MMP16: variants seen among roughly 807,000 people sequenced by gnomAD.
MMP16 encodes matrix metallopeptidase 16.
Under a neutral mutation model 67.8 loss-of-function variants are expected in MMP16, and 12 were observed. The observed-to-expected ratio is 0.18, with a 90% CI of 0.11 to 0.29. The LOEUF (loss-of-function observed/expected upper bound fraction) is 0.29. MMP16 is among the 10% of genes least tolerant of loss of function. MMP16 has a pLI of 1.00. For missense variants in MMP16, 475 were observed against 765.7 expected (o/e 0.62, Z 4.48); for synonymous variants, 249 against 255.9 (o/e 0.97, Z 0.26).
intron 6 of MMP16, among the ~76,000 whole-genome samples, chr8:88,094,358 T>C (rs1808989758): frequency 6.6e-6 from 1 of 151,736 alleles, no homozygotes; most frequent in East Asian, 1.9e-4. Context: ...TTATTGATAG[T>C]AATTAGAAGA....
At chr8:88,119,269 C>T (rs1357542503) in intron 4 of MMP16, among the ~76,000 whole-genome samples, 5 of 151,966 alleles carry the variant, frequency 3.3e-5, no homozygotes. Flanking sequence ...CAGATACTGT[C>T]CTTACTTTTA....
intron 2 of MMP16, among the ~76,000 whole-genome samples, chr8:88,193,146 A>C (rs1809196267): frequency 6.6e-6 from 1 of 152,202 alleles, no homozygotes; most frequent in Non-Finnish European, 1.5e-5. Context: ...TAAGATATGG[A>C]ATCATCTGAA....
chr8:88,160,984 T>G (rs1034207164), intron 4 of MMP16, among the ~76,000 whole-genome samples: 6 of 152,168 alleles, frequency 3.9e-5, no homozygotes, highest in African/African-American at 1.4e-4. Context: ...TCGATGTTCA[T>G]CAGGGATATT....
In MMP16 at chr8:88,167,855, A is replaced by T; in HGVS notation, c.523T>A (p.Leu175Ile). The T allele has an allele frequency of 6.2e-7, 1 of 1,614,022 alleles. No homozygotes were observed. The stretch of plus-strand genomic sequence containing the variant: ...TCCACATCACGTTTGCCATTTTCTA[A>T]TTCACTGTAGGGAACTTCTTCAAAT... ...LTFEEVPYSE[L>I]ENGKRDVDIT... The change falls in exon 4 of 10, where the codon TTA (leucine) becomes ATA (isoleucine). Residue 175 changes from leucine to isoleucine, a missense_variant. Coordinates refer to ENST00000286614, the MANE Select transcript of MMP16 (RefSeq NM_005941.5).
rs1808130688 is a variant in MMP16, at chr8:88,041,370, T to C, written c.*91A>G. The C allele has an allele frequency of 7.4e-7, 1 of 1,357,954 alleles. No individual in the cohort carries two copies. The highest frequency in any genetic ancestry group is 1.4e-5 in the South Asian group (1 of 72,434). The allele number at this position is 1,357,954 out of a possible 1,614,324, so 84.1% of individuals were successfully genotyped here. ...CCGAATCAGGCTGCCACAAGCCTGC[T>C]CCTAGCTAGGAAACAGCATAACAGC... is the stretch of plus-strand genomic sequence containing the variant. On this transcript the variant is annotated 3_prime_UTR_variant, in exon 10 of 10. Transcript: ENST00000286614. The surrounding 1 kb of genome is among the most constrained non-coding windows in gnomAD (Gnocchi z 6.0).
chr8:88,217,378 T>C (rs565254127), intron 1 of MMP16, among the ~76,000 whole-genome samples: 87 of 152,246 alleles, frequency 5.7e-4, no homozygotes, highest in African/African-American at 2.0e-3. Context: ...TGTGCCCATT[T>C]ATATTTACTA....
intron 4 of MMP16, among the ~76,000 whole-genome samples, chr8:88,121,144 C>T (rs1439043185): frequency 6.7e-6 from 1 of 150,372 alleles, no homozygotes; most frequent in Non-Finnish European, 1.5e-5. Context: ...GACATAATAG[C>T]AAACAGGTCA....
intron 6 of MMP16, among the ~76,000 whole-genome samples, chr8:88,091,806 T>C (rs1315180047): frequency 6.6e-6 from 1 of 151,892 alleles, no homozygotes; most frequent in Non-Finnish European, 1.5e-5. Flanking sequence ...TAACTAAATC[T>C]AATTTAAAAA....
rs1808052274 is a variant in MMP16, at chr8:88,036,280, G to A, written c.*5181C>T. On this transcript the variant is annotated 3_prime_UTR_variant, in exon 10 of 10. Transcript: ENST00000286614. ...TAATCATCACTAGTGCAAAGAGCTT[G>A]AAGTTGGATTTTTTTCCTCCACTAT... The A allele has an allele frequency of 6.6e-6, 1 of 151,840 alleles. No homozygotes were observed. The highest frequency in any genetic ancestry group is 1.5e-5 in the Non-Finnish European group (1 of 67,824). The allele number at this position is 151,840 out of a possible 1,614,324, so 9.4% of individuals were successfully genotyped here. A position where few individuals can be genotyped will look rare whatever the true frequency, so the allele number is the denominator to read the frequency against.
intron 6 of MMP16, among the ~76,000 whole-genome samples, chr8:88,100,294 AC>A (rs1251608568): frequency 1.3e-5 from 2 of 151,930 alleles, no homozygotes; most frequent in African/African-American, 4.8e-5. Flanking sequence ...AAAACAAACA[AC>A]CCCATCAAAA....
chr8:88,147,990 C>T (rs1235063218), intron 4 of MMP16, among the ~76,000 whole-genome samples: 1 of 152,098 alleles, frequency 6.6e-6, no homozygotes, highest in Non-Finnish European at 1.5e-5. Context: ...TATCTCCTAA[C>T]CTTTCACATT....
rs1322545304 is a variant in MMP16, at chr8:88,308,307, C to CT, written c.132+18767dup. 3.4e-4 allele frequency among the ~76,000 whole-genome samples: 51 copies of CT among 152,060 alleles called. 1 individual carries two copies. The highest frequency in any genetic ancestry group is 2.2e-4 in the Non-Finnish European group (15 of 67,952). ...AAGGGACCTTTTGTTAATTATGAGG[C>CT]TAAGACGTAGGAGGCATCACATGTG... is the stretch of plus-strand genomic sequence containing the variant. On this transcript the variant is annotated intron_variant, in intron 1 of 9. Coordinates refer to ENST00000286614, the MANE Select transcript of MMP16 (RefSeq NM_005941.5).
At chr8:88,228,557 T>C (rs185203227) in intron 1 of MMP16, among the ~76,000 whole-genome samples, 90 of 152,216 alleles carry the variant, frequency 5.9e-4, no homozygotes, top group African/African-American at 2.1e-3. Context: ...TATAATAAAA[T>C]GTGTAGCTCC....
At chr8:88,180,519 A>G (rs1808963235) in intron 3 of MMP16, among the ~76,000 whole-genome samples, 1 of 152,164 alleles carries the variant, frequency 6.6e-6, no homozygotes, top group African/African-American at 2.4e-5. Context: ...TTCATAGAAA[A>G]GAAAATTATT....
rs189856624 is a variant in MMP16 at position 88,250,976 on chromosome 8, G to T, written c.133-53670C>A. The stretch of plus-strand genomic sequence containing the variant: ...CAGAGTGTGATGCTCCCCTTCCTGT[G>T]TCCATGTGATCTCATTGTTCAATTC... On this transcript the variant is annotated intron_variant, in intron 1 of 9. Transcript: ENST00000286614. Among the ~76,000 whole-genome samples the T allele has an allele frequency of 8.1e-4, 112 of 138,800 alleles. 1 individual carries two copies. Among genetic ancestry groups the T allele is most frequent in the African/African-American group, 2.6e-3 (96 of 36,426 alleles). 91.1% of individuals were successfully genotyped at this position (138,800 alleles called of 152,430 possible).
chr8:88,100,981 G>A (rs1416593348), intron 6 of MMP16, among the ~76,000 whole-genome samples: 3 of 137,042 alleles, frequency 2.2e-5, no homozygotes, highest in Non-Finnish European at 4.7e-5. Flanking sequence ...CTGTTGTGGG[G>A]TGAGGGGAGG....
At chr8:88,122,033 C>A (rs974435501) in intron 4 of MMP16, among the ~76,000 whole-genome samples, 2 of 151,972 alleles carry the variant, frequency 1.3e-5, no homozygotes, top group African/African-American at 4.8e-5. Context: ...TTTCTGTGAT[C>A]CCAAAACTTT....
intron 4 of MMP16, among the ~76,000 whole-genome samples, chr8:88,155,091 G>T (rs1244882062): frequency 6.6e-6 from 1 of 151,976 alleles, no homozygotes; most frequent in Non-Finnish European, 1.5e-5. Flanking sequence ...TCAGACTTCT[G>T]TGTTAACATC....
intron 1 of MMP16, among the ~76,000 whole-genome samples, chr8:88,287,471 T>C (rs540770875): frequency 3.3e-5 from 5 of 152,366 alleles, no homozygotes; most frequent in Admixed American, 2.0e-4. Context: ...TCATAGCAGC[T>C]ACCACTTTGC....
Sources: gnomAD v4.1 joint callset for allele counts (sites outside exome capture counted in the v4.1 genomes callset) on GRCh38, gnomAD v4.1.1 for gene constraint, Gnocchi (gnomAD v3.1) non-coding constraint, MANE v1.5 for transcripts, NCBI Gene and HGNC (gene_info 2026-07-23, HGNC 2026-07-21) for gene names.